The following EFCAB6 variants were observed in gnomAD, a reference collection of about 807,000 sequenced individuals.
EFCAB6 encodes EF-hand calcium binding domain 6.
In EFCAB6, 156 loss-of-function variants were observed where a neutral mutation model predicts 169.8. The observed-to-expected ratio is 0.92, with a 90% CI of 0.81 to 1.05. The LOEUF (loss-of-function observed/expected upper bound fraction) is 1.05, where lower values mean the gene tolerates loss of function less well. Among genes scored for constraint, EFCAB6 ranks in the 50% least tolerant of loss-of-function variants. The pLI is 0.00. For synonymous variants in EFCAB6, 698 were observed against 676.4 expected, an observed-to-expected ratio of 1.03 and a Z score of -0.50; for missense variants, 1,800 against 1,829.1, an observed-to-expected ratio of 0.98 and a Z score of 0.29.
At position 43,795,713 on chromosome 22, in the gene EFCAB6, C is replaced by T. The variant is rs1186084611; in HGVS notation, c.-8+13282G>A. 6.6e-6 allele frequency among the ~76,000 whole-genome samples: 1 copy of T among 152,108 alleles called. No individual in the cohort carries two copies. Among genetic ancestry groups the T allele is most frequent in the Non-Finnish European group, 1.5e-5 (1 of 68,016 alleles). ...CATGAAATAAAAGGGTGTGTTTACACCACTCTACCCCCAGCCCCGAAGTAC... is the reference window on the plus strand; with the variant it reads ...CATGAAATAAAAGGGTGTGTTTACATCACTCTACCCCCAGCCCCGAAGTAC... On this transcript the variant is annotated intron_variant, in intron 2 of 31. Transcript: ENST00000262726. This position sits in a 1 kb window ranked among gnomAD's most constrained non-coding sequence, Gnocchi z 4.2.
At chr22:43,633,879 A>C (rs2055172928) in intron 18 of EFCAB6, among the ~76,000 whole-genome samples, 1 of 151,940 alleles carries the variant, frequency 6.6e-6, no homozygotes, top group South Asian at 2.1e-4. Flanking sequence ...CCCCCACCCC[A>C]CCGCCTGACC....
chr22:43,631,645 C>T (rs908863671), intron 19 of EFCAB6, among the ~76,000 whole-genome samples: 13 of 152,032 alleles, frequency 8.6e-5, no homozygotes, highest in African/African-American at 2.9e-4. Flanking sequence ...TATGACTTGT[C>T]TGTTTACCAT....
chr22:43,781,908 T>A (rs1045895138), intron 3 of EFCAB6, among the ~76,000 whole-genome samples: 1 of 152,188 alleles, frequency 6.6e-6, no homozygotes, highest in African/African-American at 2.4e-5. Flanking sequence ...GAGTGAGTTT[T>A]TATATATATA....
chr22:43,683,956 G>A lies in EFCAB6; in HGVS notation c.1143-101C>T. 3 of 844,928 alleles carry A rather than the reference G, an allele frequency of 3.6e-6. 1 individual carries two copies. The South Asian group carries it at 4.6e-5, about 13-fold the overall frequency. The allele number at this position is 844,928 out of a possible 1,614,324, so 52.3% of individuals were successfully genotyped here. ...AGCACCCTCACCACAATACAGTAGA[G>A]CTTTCTCTGTGCGTGGCTCTTTTTC... On this transcript the variant is annotated intron_variant, in intron 11 of 31. Transcript: ENST00000262726.
chr22:43,684,173 C>A (rs774087386), intron 11 of EFCAB6, among the ~76,000 whole-genome samples: 2 of 152,192 alleles, frequency 1.3e-5, no homozygotes, highest in Non-Finnish European at 2.9e-5. Context: ...GTGCTGAGAC[C>A]TCAGTGGCTG....
intron 17 of EFCAB6, among the ~76,000 whole-genome samples, chr22:43,652,230 C>T (rs1175050433): frequency 1.3e-5 from 2 of 152,148 alleles, no homozygotes; most frequent in South Asian, 2.1e-4. Flanking sequence ...CTTTCCTGTG[C>T]TGTTCTCTTG....
intron 24 of EFCAB6, among the ~76,000 whole-genome samples, chr22:43,585,551 G>C (rs926947092): frequency 6.6e-6 from 1 of 152,030 alleles, no homozygotes; most frequent in Non-Finnish European, 1.5e-5. Flanking sequence ...AACAAACAAA[G>C]AAACAAAACA....
chr22:43,672,105 G>T lies in EFCAB6; in HGVS notation c.1508C>A (p.Thr503Asn). The change falls in exon 15 of 32, where the codon ACT becomes AAT. Residue 503 changes from threonine (T) to asparagine (N), a missense_variant. Transcript: ENST00000262726. ...GTTATAAAAAGCTTGTAGGTTCCTA[G>T]TAATTGTATCATGAACAATTTCTTC... ...SVEEIVHDTI[T>N]RNLQAFYNML... is the part of the protein sequence containing the mutation. 6.2e-7 allele frequency: 1 copy of T among 1,613,796 alleles called. No individual in the cohort carries two copies. The highest frequency in any genetic ancestry group is 1.7e-5 in the Admixed American group (1 of 59,954).
chr22:43,763,167 T>A (rs4823139), intron 5 of EFCAB6, among the ~76,000 whole-genome samples: 2,215 of 151,948 alleles, frequency 0.015, 22 homozygotes, highest in Middle Eastern at 0.024. Context: ...GCCTCCCGAG[T>A]CGCTGGGATT....
intron 24 of EFCAB6, among the ~76,000 whole-genome samples, chr22:43,583,386 T>A (rs749729971): frequency 4.6e-5 from 7 of 151,664 alleles, no homozygotes; most frequent in Non-Finnish European, 8.8e-5. Flanking sequence ...GCAATAGTCG[T>A]TTCAGATAAA....
chr22:43,635,073 C>T (rs758310049), intron 18 of EFCAB6, 29 bp downstream of exon 18: 1 of 1,592,072 alleles, frequency 6.3e-7, no homozygotes, highest in Admixed American at 1.7e-5. Context: ...GGACGCATCC[C>T]ACAGGGTGTG....
chr22:43,679,284 A>G (rs1252803730), intron 12 of EFCAB6, among the ~76,000 whole-genome samples: 1 of 152,136 alleles, frequency 6.6e-6, no homozygotes, highest in Non-Finnish European at 1.5e-5. Context: ...TTCTCCTAAC[A>G]TAGTGTTTTT....
At chr22:43,724,455 C>T (rs1384950868) in intron 8 of EFCAB6, among the ~76,000 whole-genome samples, 4 of 151,230 alleles carry the variant, frequency 2.6e-5, no homozygotes, top group Non-Finnish European at 5.9e-5. Context: ...GCAACCTCTG[C>T]CTCCTGGGTT....
chr22:43,557,636 T>G (rs1267000071), intron 26 of EFCAB6, among the ~76,000 whole-genome samples: 1 of 152,180 alleles, frequency 6.6e-6, no homozygotes, highest in Non-Finnish European at 1.5e-5. Context: ...AGTCAAAATA[T>G]TCCAGAACAC....
In EFCAB6 at chr22:43,790,150, G is replaced by A. The variant is rs531077780; in HGVS notation, c.-7-7825C>T. Among the ~76,000 whole-genome samples the A allele has an allele frequency of 1.9e-3, 282 of 152,236 alleles. 1 individual carries two copies. Among genetic ancestry groups the A allele is most frequent in the African/African-American group, 6.4e-3 (267 of 41,528 alleles). On this transcript the variant is annotated intron_variant, in intron 2 of 31. Transcript: ENST00000262726. ...ACTCTGCCTTGCACTGTACAGTCTAGAGACCTGTCTTATTTGCCACAGTCA... is the reference window on the plus strand; with the variant it reads ...ACTCTGCCTTGCACTGTACAGTCTAAAGACCTGTCTTATTTGCCACAGTCA...
At chr22:43,803,933 A>C (rs2062822294) in intron 2 of EFCAB6, among the ~76,000 whole-genome samples, 1 of 152,176 alleles carries the variant, frequency 6.6e-6, no homozygotes, top group East Asian at 1.9e-4. Context: ...GATTGGACTC[A>C]AAACTCCTGG....
intron 13 of EFCAB6, among the ~76,000 whole-genome samples, chr22:43,674,178 G>A (rs2057621265): frequency 6.6e-6 from 1 of 152,314 alleles, no homozygotes; most frequent in South Asian, 2.1e-4. Context: ...AAGTATAACA[G>A]CAAATAACAA....
At chr22:43,801,702 G>A (rs2062723301) in intron 2 of EFCAB6, among the ~76,000 whole-genome samples, 1 of 152,074 alleles carries the variant, frequency 6.6e-6, no homozygotes, top group African/African-American at 2.4e-5. Flanking sequence ...AGATGTTTCT[G>A]TAAGCCTCAT....
chr22:43,600,464 C>T (rs1407788486), intron 22 of EFCAB6, among the ~76,000 whole-genome samples: 1 of 152,096 alleles, frequency 6.6e-6, no homozygotes, highest in Admixed American at 6.5e-5. Flanking sequence ...ACTCCTGATC[C>T]GATCCGCATC....
Sources: gnomAD v4.1 joint callset for allele counts (sites outside exome capture counted in the v4.1 genomes callset) on GRCh38, gnomAD v4.1.1 for gene constraint, Gnocchi (gnomAD v3.1) non-coding constraint, MANE v1.5 for transcripts, NCBI Gene and HGNC (gene_info 2026-07-23, HGNC 2026-07-21) for gene names.